The following MTMR12 variants were observed in gnomAD, a reference collection of about 807,000 sequenced individuals.
The protein encoded by MTMR12 is myotubularin related protein 12, also known as myotubularin-related protein 12.
In MTMR12, 33 loss-of-function variants were observed where a neutral mutation model predicts 96.7. That is an observed-to-expected ratio of 0.34 (90% confidence interval 0.26 to 0.46). The LOEUF is 0.46. Among genes scored for constraint, MTMR12 ranks in the 20% least tolerant of loss-of-function variants. MTMR12 has a pLI of 1.00. For missense variants in MTMR12, 721 were observed against 896.1 expected (o/e 0.80, Z 2.49); for synonymous variants, 298 against 327.2 (o/e 0.91, Z 0.96).
chr5:32,243,530 T>A lies in MTMR12; in HGVS notation c.1091A>T (p.Asp364Val). 1 of 1,610,290 alleles carries A rather than the reference T, an allele frequency of 6.2e-7. No homozygotes were observed. Among genetic ancestry groups the A allele is most frequent in the East Asian group, 2.2e-5 (1 of 44,854 alleles). The part of the protein sequence containing the change: ...FSLLESSSWL[D>V]IIRRCLKKAI... ...CAATGGTTTGAAATACCTGATTATG[T>A]CAAGCCAGCTGCTACTTTCCAACAG... The change falls in exon 11 of 16, where the codon GAC (aspartate) becomes GTC (valine). Residue 364 changes from aspartate to valine, a missense_variant. By Grantham distance (152) the Asp-to-Val change is radical. Transcript: ENST00000382142.
chr5:32,289,285 T>C (rs886622439), intron 1 of MTMR12, among the ~76,000 whole-genome samples: 2 of 152,136 alleles, frequency 1.3e-5, no homozygotes, highest in African/African-American at 4.8e-5. Context: ...AACTTCCAGG[T>C]CTAATGCACA....
rs542025271 is a variant in MTMR12 at position 32,279,714 on chromosome 5, G to A, written c.82-2972C>T. On this transcript the variant is annotated intron_variant, in intron 1 of 15. Transcript: ENST00000382142. ...TTTCACGGAAGACAATTTTTCCACG[G>A]ACCTGGCAGGGGGGCAGGGGATGAT... is the stretch of plus-strand genomic sequence containing the variant. 1.5e-4 allele frequency among the ~76,000 whole-genome samples: 23 copies of A among 152,308 alleles called. No individual in the cohort carries two copies. In the South Asian group the frequency reaches 2.7e-3, roughly 18 times the overall value.
chr5:32,246,174 T>TTTTTTTTTTGTTTTG (rs1290550742), intron 10 of MTMR12, among the ~76,000 whole-genome samples: 3 of 149,590 alleles, frequency 2.0e-5, no homozygotes, highest in African/African-American at 5.0e-5. Flanking sequence ...TAGACAGTTT[T>TTTTTTTTTTGTTTTG]TTTTTTTTTT....
At chr5:32,299,913 C>A (rs1306188240) in intron 1 of MTMR12, among the ~76,000 whole-genome samples, 5 of 151,900 alleles carry the variant, frequency 3.3e-5, no homozygotes, top group African/African-American at 1.2e-4. Flanking sequence ...CACCAAATCC[C>A]GCTTTAATGT....
intron 8 of MTMR12, 66 bp from the exon 9 acceptor site, chr5:32,248,944 A>T (rs1294457284): frequency 1.0e-5 from 13 of 1,272,442 alleles, no homozygotes; most frequent in Non-Finnish European, 1.4e-5. Context: ...ACATAAGCTT[A>T]GCATTTAAAT....
At position 32,271,883 on chromosome 5, in the gene MTMR12, AC is replaced by A; in HGVS notation, c.307del (p.Val103LeufsTer2). On this transcript the variant is annotated frameshift_variant, in exon 4 of 16. Coordinates refer to ENST00000382142, the MANE Select transcript of MTMR12 (RefSeq NM_001040446.3). LOFTEE classifies it high-confidence loss of function. ...DNDETQFKNK[V>X]IGENDITLHC... is the part of the protein sequence containing the mutation. ...GAGTGTAATGTCATTTTCTCCTATA[AC>A]CTTATTCTTAAATTGAGTTTCCTAG... 6.4e-7 allele frequency: 1 copy of A among 1,572,584 alleles called. No homozygotes were observed. Among genetic ancestry groups the A allele is most frequent in the Non-Finnish European group, 8.7e-7 (1 of 1,151,416 alleles).
intron 15 of MTMR12, chr5:32,232,838 C>T: frequency 1.9e-6 from 1 of 533,570 alleles, no homozygotes; most frequent in Non-Finnish European, 2.4e-6. Flanking sequence ...CCCAGGTCCC[C>T]AGTCCTCTTT....
In MTMR12 at chr5:32,312,733, C is replaced by T. The variant is rs1441157345; in HGVS notation, c.81+25G>A. On this transcript the variant is annotated intron_variant, in intron 1 of 15. Coordinates refer to ENST00000382142, the MANE Select transcript of MTMR12 (RefSeq NM_001040446.3). This position sits in a 1 kb window ranked among gnomAD's most constrained non-coding sequence, Gnocchi z 5.0. ...TCGCCCCGGCCGCCCCTGCCCGACGCCCCGCCTGCGCGGCGCCCCCTCACC... is the reference window on the plus strand; with the variant it reads ...TCGCCCCGGCCGCCCCTGCCCGACGTCCCGCCTGCGCGGCGCCCCCTCACC... 1 of 1,492,408 alleles carries T rather than the reference C, an allele frequency of 6.7e-7. No homozygotes were observed. Among genetic ancestry groups the T allele is most frequent in the Non-Finnish European group, 8.9e-7 (1 of 1,123,050 alleles). 92.4% of individuals were successfully genotyped at this position (1,492,408 alleles called of 1,614,324 possible). A position where few individuals can be genotyped will look rare whatever the true frequency, so the allele number is the denominator to read the frequency against.
Position 32,235,045 on chromosome 5 carries a change from G to C in MTMR12, c.1429C>G (p.Leu477Val). 4 of 1,614,002 alleles carry C rather than the reference G, an allele frequency of 2.5e-6. No homozygotes were observed. The highest frequency in any genetic ancestry group is 2.5e-6 in the Non-Finnish European group (3 of 1,179,880). The change falls in exon 14 of 16, where the codon CTG becomes GTG. Residue 477 changes from leucine to valine, a missense_variant. By Grantham distance (32) the Leu-to-Val change is conservative. Coordinates refer to ENST00000382142, the MANE Select transcript of MTMR12 (RefSeq NM_001040446.3). ...PPAFEFTETYLTVLSDSLYIP... is the reference protein window; with the variant it reads ...PPAFEFTETYVTVLSDSLYIP... ...TACAGGCTATCTGACAAAACAGTCA[G>C]GTAAGTCTCTGTGAATTCAAATGCC...
Position 32,248,888 on chromosome 5 carries a change from CAAAT to C in MTMR12, c.790-14_790-11del, listed in dbSNP as rs750121881. 1.7e-5 allele frequency: 27 copies of C among 1,606,028 alleles called. No individual in the cohort carries two copies. Among genetic ancestry groups the C allele is most frequent in the Non-Finnish European group, 2.2e-5 (26 of 1,172,788 alleles). On this transcript the variant is annotated splice_polypyrimidine_tract_variant and intron_variant, in intron 8 of 15. Coordinates refer to ENST00000382142, the MANE Select transcript of MTMR12 (RefSeq NM_001040446.3). ...AGGACCAACACCATATCTGTAGAAACAAATAAAGCTTTACCAGATACAATAAACA... is the reference window on the plus strand; with the variant it reads ...AGGACCAACACCATATCTGTAGAAACAAAGCTTTACCAGATACAATAAACA...
intron 8 of MTMR12, among the ~76,000 whole-genome samples, chr5:32,253,398 C>A (rs1749018673): frequency 6.6e-6 from 1 of 152,022 alleles, no homozygotes; most frequent in Non-Finnish European, 1.5e-5. Flanking sequence ...TGCTTAAGGC[C>A]ATTTCTGGTG....
rs1430252228 is a variant in MTMR12 at position 32,263,626 on chromosome 5, C to T, written c.584-384G>A. Among the ~76,000 whole-genome samples, 10 of 151,956 alleles carry T rather than the reference C, an allele frequency of 6.6e-5. No individual in the cohort carries two copies. The South Asian group carries it at 8.3e-4, about 13-fold the overall frequency. Reference sequence around the variant, plus strand: ...CTAATTTTTGTATTTTTAGTAGAGACGGGGTTTCACCATGTTGGCCAGGTT... The same window carrying T: ...CTAATTTTTGTATTTTTAGTAGAGATGGGGTTTCACCATGTTGGCCAGGTT... On this transcript the variant is annotated intron_variant, in intron 6 of 15. Coordinates refer to ENST00000382142, the MANE Select transcript of MTMR12 (RefSeq NM_001040446.3).
At chr5:32,270,543 A>C (rs56306930) in intron 5 of MTMR12, among the ~76,000 whole-genome samples, 68,246 of 152,056 alleles carry the variant, frequency 0.45, 16,427 homozygotes, top group African/African-American at 0.62. Flanking sequence ...CCTACCGCCT[A>C]CTGACCTGGT....
At chr5:32,286,686 A>G (rs1750551269) in intron 1 of MTMR12, among the ~76,000 whole-genome samples, 1 of 152,196 alleles carries the variant, frequency 6.6e-6, no homozygotes, top group Non-Finnish European at 1.5e-5. Context: ...TTATTGTTTC[A>G]TTTTAGAGAT....
chr5:32,269,194 T>A (rs1749730971), intron 5 of MTMR12, among the ~76,000 whole-genome samples: 1 of 152,008 alleles, frequency 6.6e-6, no homozygotes, highest in Non-Finnish European at 1.5e-5. Context: ...GCCTGACTAA[T>A]CTTTGTATTT....
At position 32,274,109 on chromosome 5, in the gene MTMR12, A is replaced by C; in HGVS notation, c.156T>G (p.Leu52=). The part of the protein sequence containing the change: ...TLHLLPGEQL[L]CEASTVLKYV... ...ACTTCAGTACTGTGCTGGCTTCACAAAGCAGCTGTTCACCTGGTAGAAACC... is the reference window on the plus strand; with the variant it reads ...ACTTCAGTACTGTGCTGGCTTCACACAGCAGCTGTTCACCTGGTAGAAACC... The change falls in exon 3 of 16, where the codon CTT becomes CTG. Residue 52 remains leucine, a synonymous_variant. Transcript: ENST00000382142. 6.2e-7 allele frequency: 1 copy of C among 1,614,174 alleles called. No individual in the cohort carries two copies. The highest frequency in any genetic ancestry group is 1.1e-5 in the South Asian group (1 of 91,068).
chr5:32,261,254 C>T (rs1749352062), intron 7 of MTMR12, among the ~76,000 whole-genome samples: 1 of 151,960 alleles, frequency 6.6e-6, no homozygotes, highest in Non-Finnish European at 1.5e-5. Flanking sequence ...TAGGTCAGAT[C>T]ATGTCTGCTT....
intron 1 of MTMR12, among the ~76,000 whole-genome samples, chr5:32,284,894 A>G (rs1272341169): frequency 6.6e-6 from 1 of 152,220 alleles, no homozygotes; most frequent in Non-Finnish European, 1.5e-5. Context: ...CAAATGCATC[A>G]GTTAAAAATG....
intron 10 of MTMR12, among the ~76,000 whole-genome samples, chr5:32,245,001 G>GAAA (rs201630730): frequency 1.1e-4 from 16 of 146,920 alleles, no homozygotes; most frequent in Non-Finnish European, 2.1e-4. Flanking sequence ...ATTATTAACT[G>GAAA]AAAAAAAAAA....
Sources: allele counts gnomAD v4.1 joint callset (sites outside exome capture counted in the v4.1 genomes callset), GRCh38; gene constraint gnomAD v4.1.1; non-coding constraint Gnocchi (gnomAD v3.1); transcripts MANE v1.5; gene names NCBI Gene and HGNC (gene_info 2026-07-23, HGNC 2026-07-21).